The following SPTA1 variants were observed in gnomAD, a reference collection of about 807,000 sequenced individuals.
The protein encoded by SPTA1 is spectrin alpha, erythrocytic 1.
A neutral mutation model predicts 324.7 loss-of-function variants in SPTA1; 177 were observed. The ratio of observed to expected loss-of-function variants is 0.55; its 90% confidence interval spans 0.48 to 0.62. The LOEUF is 0.62. SPTA1 is among the 20% of genes least tolerant of loss of function. SPTA1 has a pLI of 0.00. For synonymous variants in SPTA1, 1,195 were observed against 1,041.3 expected (o/e 1.15, Z -2.84); for missense variants, 3,162 against 2,883.6 (o/e 1.10, Z -2.21).
rs201615192 is a variant in SPTA1 at position 158,648,615 on chromosome 1, C to G, written c.3608G>C (p.Cys1203Ser). ...AGGGTCTGCAGCACTGAGGGCCTGG[C>G]ATTTCTTCTCAATCTGCTCCTTCGT... ...DDTKEQIEKK[C>S]QALSAADPGS... Residue 1203 changes from cysteine to serine, a missense_variant, in exon 26 of 52, where the codon TGC becomes TCC. Physicochemically the swap from Cys to Ser is moderately radical, Grantham distance 112. Coordinates refer to ENST00000643759, the MANE Select transcript of SPTA1 (RefSeq NM_003126.4). The G allele has an allele frequency of 1.9e-6, 3 of 1,613,938 alleles. No individual in the cohort carries two copies. In the South Asian group the frequency reaches 3.3e-5, roughly 18 times the overall value.
intron 23 of SPTA1, among the ~76,000 whole-genome samples, chr1:158,651,896 T>C (rs963016667): frequency 1.3e-5 from 2 of 150,582 alleles, no homozygotes; most frequent in Non-Finnish European, 2.9e-5. Flanking sequence ...TCTCTCTCTC[T>C]CTCTCTCTCT....
chr1:158,680,598 G>A lies in SPTA1; in HGVS notation c.663C>T (p.Ala221=). The change falls in exon 5 of 52, where the codon GCC becomes GCT. Residue 221 remains alanine (A), a synonymous_variant. Coordinates refer to ENST00000643759, the MANE Select transcript of SPTA1 (RefSeq NM_003126.4). ...EGRVVEVNQY[A]NECAEENHPD... is the part of the protein sequence containing the mutation. ...CCCACCTCACCTCGGCACACTCATT[G>A]GCATATTGGTTCACTTCAACAACTC... The A allele has an allele frequency of 6.2e-7, 1 of 1,613,782 alleles. No homozygotes were observed. Among genetic ancestry groups the A allele is most frequent in the South Asian group, 1.1e-5 (1 of 91,082 alleles).
chr1:158,676,001 T>C, intron 8 of SPTA1, 140 bp downstream of exon 8: 1 of 1,124,304 alleles, frequency 8.9e-7, no homozygotes, highest in South Asian at 1.5e-5. Context: ...CTTTGGCAAC[T>C]TAAATATTTT....
At chr1:158,680,870 G>T in intron 4 of SPTA1, 141 bp from the exon 5 acceptor site, 1 of 1,115,720 alleles carries the variant, frequency 9.0e-7, no homozygotes, top group Non-Finnish European at 1.3e-6. Flanking sequence ...TCCTGGAAAA[G>T]GCCAGCAGCA....
At chr1:158,616,343 T>C (rs1649556473) in intron 47 of SPTA1, among the ~76,000 whole-genome samples, 1 of 152,212 alleles carries the variant, frequency 6.6e-6, no homozygotes. Flanking sequence ...ATTACTAGTC[T>C]TATTTCTTCT....
chr1:158,680,453 C>T, intron 5 of SPTA1, 130 bp downstream of exon 5: 1 of 1,323,744 alleles, frequency 7.6e-7, no homozygotes, highest in East Asian at 2.3e-5. Flanking sequence ...GAATATGTTA[C>T]TCCAGGAACA....
chr1:158,657,404 T>C, intron 19 of SPTA1, 73 bp downstream of exon 19: 3 of 1,492,328 alleles, frequency 2.0e-6, no homozygotes, highest in Non-Finnish European at 2.8e-6. Context: ...TCCCACAACC[T>C]AAGCAAACCC....
chr1:158,615,077 G>A (rs576608079), intron 48 of SPTA1, 139 bp downstream of exon 48: 37 of 865,856 alleles, frequency 4.3e-5, no homozygotes, highest in Middle Eastern at 7.3e-4. Context: ...TAGTCATTCC[G>A]TGGGGCAGTA....
rs2101750068 is a variant in SPTA1 at position 158,615,407 on chromosome 1, GA to G, written c.6601-5del. 2 of 1,613,858 alleles carry G rather than the reference GA, an allele frequency of 1.2e-6. No homozygotes were observed. The highest frequency in any genetic ancestry group is 1.1e-5 in the South Asian group (1 of 91,072). ...CCTGGATCTCCTTCTGTTTTCTCTG[GA>G]AAAACGACAGAGAAGAGAGACAATT... On this transcript the variant is annotated splice_polypyrimidine_tract_variant and splice_region_variant and intron_variant, in intron 47 of 51. Transcript: ENST00000643759.
intron 16 of SPTA1, 30 bp downstream of exon 16, chr1:158,666,285 CT>C: frequency 6.2e-7 from 1 of 1,612,156 alleles, no homozygotes. Context: ...ACACCCATTG[CT>C]TATGGCTGGC....
intron 18 of SPTA1, 135 bp from the exon 19 acceptor site, chr1:158,657,829 G>T: frequency 1.1e-6 from 1 of 874,514 alleles, no homozygotes; most frequent in Non-Finnish European, 1.8e-6. Flanking sequence ...TATTTTTCTT[G>T]AGTTACCTGG....
chr1:158,674,003 G>A (rs1654217984), intron 10 of SPTA1, among the ~76,000 whole-genome samples: 1 of 152,048 alleles, frequency 6.6e-6, no homozygotes, highest in Non-Finnish European at 1.5e-5. Context: ...TATTTACATA[G>A]CATTTACATT....
At chr1:158,611,740 T>C (rs1171316245) in intron 51 of SPTA1, 3 of 259,956 alleles carry the variant, frequency 1.2e-5, no homozygotes, top group Non-Finnish European at 2.3e-5. Context: ...GGGACTAGCA[T>C]GTTTTATGAG....
chr1:158,635,607 A>G (rs1230163396), intron 38 of SPTA1, among the ~76,000 whole-genome samples: 1 of 152,218 alleles, frequency 6.6e-6, no homozygotes, highest in Non-Finnish European at 1.5e-5. Context: ...CTGGGAGATA[A>G]AGCAGAACAG....
In SPTA1 at chr1:158,611,166, C is replaced by CAA; in HGVS notation, c.*97_*98insTT. The stretch of plus-strand genomic sequence containing the variant: ...ACACACACACACACACACACACACA[C>CAA]GAGGCCATCTTTATCTTCCACATTT... On this transcript the variant is annotated 3_prime_UTR_variant, in exon 52 of 52. Transcript: ENST00000643759. 7.2e-7 allele frequency: 1 copy of CAA among 1,387,714 alleles called. No homozygotes were observed. The highest frequency in any genetic ancestry group is 1.0e-6 in the Non-Finnish European group (1 of 989,752). 86.0% of individuals were successfully genotyped at this position (1,387,714 alleles called of 1,614,324 possible). A position where few individuals can be genotyped will look rare whatever the true frequency, so the allele number is the denominator to read the frequency against.
rs777520921 is a variant in SPTA1 at position 158,627,018 on chromosome 1, G to A, written c.5665-11C>T. On this transcript the variant is annotated splice_polypyrimidine_tract_variant and intron_variant, in intron 40 of 51. Coordinates refer to ENST00000643759, the MANE Select transcript of SPTA1 (RefSeq NM_003126.4). ...TTCCTCCTGCAACACCTGTGAGAAG[G>A]GGAGAGACAAATATATTTATAATGT... 6 of 1,613,362 alleles carry A rather than the reference G, an allele frequency of 3.7e-6. No homozygotes were observed. Among genetic ancestry groups the A allele is most frequent in the Admixed American group, 1.7e-5 (1 of 59,966 alleles).
intron 39 of SPTA1, among the ~76,000 whole-genome samples, chr1:158,630,014 G>C (rs1341836614): frequency 6.6e-6 from 1 of 151,688 alleles, no homozygotes; most frequent in African/African-American, 2.4e-5. Context: ...CAAACAAATG[G>C]AAAAATATTC....
At chr1:158,620,064 A>G in intron 44 of SPTA1, 106 bp downstream of exon 44, 3 of 1,361,814 alleles carry the variant, frequency 2.2e-6, no homozygotes, top group Non-Finnish European at 3.1e-6. Flanking sequence ...CTGTCCCAGT[A>G]TAGTTATTAA....
intron 27 of SPTA1, among the ~76,000 whole-genome samples, chr1:158,647,326 GCTTA>G (rs1483425764): frequency 6.6e-6 from 1 of 152,156 alleles, no homozygotes; most frequent in Non-Finnish European, 1.5e-5. Context: ...CATTATAGAA[GCTTA>G]CTTAATTGGC....
Sources: allele counts gnomAD v4.1 joint callset (sites outside exome capture counted in the v4.1 genomes callset), GRCh38; gene constraint gnomAD v4.1.1; transcripts MANE v1.5; gene names NCBI Gene and HGNC (gene_info 2026-07-23, HGNC 2026-07-21).